GLIS3: variants seen among roughly 807,000 people sequenced by gnomAD.
The protein encoded by GLIS3 is zinc finger protein GLIS3.
Under a neutral mutation model 78.6 loss-of-function variants are expected in GLIS3, and 53 were observed. The ratio of observed to expected loss-of-function variants is 0.67; its 90% CI spans 0.54 to 0.85. GLIS3 has a LOEUF of 0.85. Among genes scored for constraint, GLIS3 ranks in the 40% least tolerant of loss-of-function variants. The pLI, the probability that GLIS3 is intolerant of heterozygous loss-of-function variation, is 0.00. For synonymous variants in GLIS3, 684 were observed against 509.9 expected (o/e 1.34, Z -4.60); for missense variants, 1,703 against 1,231.1 (o/e 1.38, Z -5.74).
At chr9:3,908,935 G>C (rs1823936986) in intron 6 of GLIS3, among the ~76,000 whole-genome samples, 2 of 152,142 alleles carry the variant, frequency 1.3e-5, no homozygotes, top group Admixed American at 1.3e-4. Context: ...CATTCTGTTA[G>C]TCTGAAGCAA....
At chr9:4,374,096 T>C in the GLIS3 span, among the ~76,000 whole-genome samples, 1 of 152,180 alleles carries the variant, frequency 6.6e-6, no homozygotes, top group African/African-American at 2.4e-5. Context: ...ATACACGAAA[T>C]CTGTCCACCT....
Position 4,118,010 on chromosome 9 carries a change from C to T in GLIS3, c.1468G>A (p.Asp490Asn). ...CCCCCGATGCCGTCCATCTCCCCGT[C>T]GTCGTCCAGGGTGGCCTGGGGCAAG... Reference protein sequence around the residue: ...LALPQATLDDDGEMDGIGGKH... With the variant: ...LALPQATLDDNGEMDGIGGKH... The change falls in exon 4 of 11, where the codon GAC becomes AAC. Residue 490 changes from aspartate (D) to asparagine (N), a missense_variant. Physicochemically the swap from Asp to Asn is conservative, Grantham distance 23. Transcript: ENST00000381971. This position sits in a 1 kb window ranked among gnomAD's most constrained non-coding sequence, Gnocchi z 4.7. 2.5e-6 allele frequency: 4 copies of T among 1,607,380 alleles called. No individual in the cohort carries two copies. The highest frequency in any genetic ancestry group is 3.4e-6 in the Non-Finnish European group (4 of 1,177,328).
At chr9:4,308,967 A>G (rs1817294275) in exon 4 of GLIS3, 1 of 152,232 alleles carries the variant, frequency 6.6e-6, no homozygotes, top group African/African-American at 2.4e-5. Flanking sequence ...CTGTCTCTCT[A>G]TCTGCAAAAG....
rs556826280 is a variant in GLIS3, at chr9:3,977,059, A to G, written c.1711-39870T>C. 5.9e-4 allele frequency among the ~76,000 whole-genome samples: 89 copies of G among 152,090 alleles called. No homozygotes were observed. Among genetic ancestry groups the G allele is most frequent in the African/African-American group, 2.1e-3 (86 of 41,500 alleles). The stretch of plus-strand genomic sequence containing the variant: ...ACGCAGCCTTCTGTCATGTTCTCCT[A>G]CTCTGAGGTTTATGCAGTTTGTTCA... On this transcript the variant is annotated intron_variant, in intron 4 of 10. Coordinates refer to ENST00000381971, the MANE Select transcript of GLIS3 (RefSeq NM_001042413.2). The surrounding 1 kb of genome is among the most constrained non-coding windows in gnomAD (Gnocchi z 4.1).
chr9:4,396,712 T>C, the GLIS3 span, among the ~76,000 whole-genome samples: 7 of 152,330 alleles, frequency 4.6e-5, no homozygotes, highest in Admixed American at 2.6e-4. Context: ...TATGTATATG[T>C]ACAGACATAA....
At chr9:4,158,267 T>C (rs1293380257) in intron 2 of GLIS3, among the ~76,000 whole-genome samples, 1 of 152,232 alleles carries the variant, frequency 6.6e-6, no homozygotes, top group Non-Finnish European at 1.5e-5. Flanking sequence ...TTTAGCAACT[T>C]TCTGTAGCAT....
chr9:4,113,749 T>A (rs112466885), intron 4 of GLIS3, among the ~76,000 whole-genome samples: 3,336 of 152,316 alleles, frequency 0.022, 60 homozygotes, highest in Non-Finnish European at 0.034. Context: ...AATGGGGACA[T>A]GGTCCCAGCT....
chr9:4,141,007 A>C (rs13296437), intron 2 of GLIS3, among the ~76,000 whole-genome samples: 38,535 of 151,902 alleles, frequency 0.25, 5,102 homozygotes, highest in Middle Eastern at 0.37. Context: ...ATCATGTTGG[A>C]CAGGCTGGTC....
At chr9:3,834,617 A>G (rs1818241220) in intron 9 of GLIS3, among the ~76,000 whole-genome samples, 1 of 152,206 alleles carries the variant, frequency 6.6e-6, no homozygotes, top group Non-Finnish European at 1.5e-5. Flanking sequence ...AGAAAAACAC[A>G]TGACCCACCC....
At chr9:4,452,117 C>A in the GLIS3 span, among the ~76,000 whole-genome samples, 2 of 152,172 alleles carry the variant, frequency 1.3e-5, no homozygotes, top group African/African-American at 2.4e-5. Context: ...TGATAAAATT[C>A]AACACCCCTT....
chr9:4,253,329 C>G (rs551676774), intron 2 of GLIS3, among the ~76,000 whole-genome samples: 32 of 152,372 alleles, frequency 2.1e-4, no homozygotes, highest in African/African-American at 5.5e-4. Flanking sequence ...TCTACAGAGG[C>G]AGTCTAGCTA....
intron 4 of GLIS3, among the ~76,000 whole-genome samples, chr9:4,032,598 T>G (rs1192955487): frequency 6.6e-6 from 1 of 152,194 alleles, no homozygotes; most frequent in Non-Finnish European, 1.5e-5. Flanking sequence ...TTTGAGTATT[T>G]CTAATGTGCA....
At chr9:4,465,131 C>A in the GLIS3 span, among the ~76,000 whole-genome samples, 3 of 152,260 alleles carry the variant, frequency 2.0e-5, no homozygotes, top group Non-Finnish European at 2.9e-5. Context: ...ACAAAATAGT[C>A]CTTGGGGACT....
At chr9:4,240,801 CATGAT>C (rs1196345345) in intron 2 of GLIS3, among the ~76,000 whole-genome samples, 4 of 152,106 alleles carry the variant, frequency 2.6e-5, no homozygotes, top group South Asian at 2.1e-4. Flanking sequence ...AACAAACCCT[CATGAT>C]ATAAGTTTAC....
chr9:4,359,046 G>T, the GLIS3 span, among the ~76,000 whole-genome samples: 1 of 152,106 alleles, frequency 6.6e-6, no homozygotes, highest in Non-Finnish European at 1.5e-5. Context: ...GACTTGCAAA[G>T]TTTCCTGAAA....
At chr9:3,956,944 C>G (rs1228995796) in intron 4 of GLIS3, among the ~76,000 whole-genome samples, 4 of 152,142 alleles carry the variant, frequency 2.6e-5, no homozygotes, top group African/African-American at 9.7e-5. Context: ...CTGATTGAGC[C>G]CCCATATCTT....
chr9:4,272,607 T>C (rs528165268), intron 2 of GLIS3, among the ~76,000 whole-genome samples: 120 of 152,332 alleles, frequency 7.9e-4, no homozygotes, highest in African/African-American at 2.7e-3. Flanking sequence ...TTCTAGAATA[T>C]ATAAAATGCT....
At chr9:3,937,255 T>C in intron 4 of GLIS3, 66 bp from the exon 5 acceptor site, 1 of 1,421,746 alleles carries the variant, frequency 7.0e-7, no homozygotes, top group Non-Finnish European at 9.7e-7. Context: ...GGGGGACAGC[T>C]AAAAAAAAAA....
At chr9:4,035,391 C>A (rs1412940420) in intron 4 of GLIS3, among the ~76,000 whole-genome samples, 1 of 151,672 alleles carries the variant, frequency 6.6e-6, no homozygotes, top group Non-Finnish European at 1.5e-5. Context: ...TGGATCCCTG[C>A]ATGTTTGACA....
Sources: gnomAD v4.1 joint callset for allele counts (sites outside exome capture counted in the v4.1 genomes callset) on GRCh38, gnomAD v4.1.1 for gene constraint, Gnocchi (gnomAD v3.1) non-coding constraint, MANE v1.5 for transcripts, NCBI Gene and HGNC (gene_info 2026-07-23, HGNC 2026-07-21) for gene names.